Variants in CHD1L observed in about 807,000 individuals in gnomAD.
CHD1L encodes ATP-dependent chromatin remodeler CHD1L.
In CHD1L, 118 loss-of-function variants were observed where a neutral mutation model predicts 115.9. That is an observed-to-expected ratio of 1.02 (90% CI 0.88 to 1.19). The LOEUF (loss-of-function observed/expected upper bound fraction) is 1.19, where lower values mean the gene tolerates loss of function less well. Ranked by LOEUF, CHD1L falls within the 50% of genes most tolerant of loss-of-function variation. The pLI is 0.00. For missense variants in CHD1L, 1,179 were observed against 1,065.3 expected (o/e 1.11, Z -1.49); for synonymous variants, 411 against 387.1 (o/e 1.06, Z -0.72).
At chr1:147,278,523 G>GAT (rs1162028283) in intron 14 of CHD1L, among the ~76,000 whole-genome samples, 47,601 of 147,686 alleles carry the variant, frequency 0.32, 7,863 homozygotes, top group East Asian at 0.43. Context: ...GCGCCTGGGG[G>GAT]TATTTTTTTT....
At chr1:147,284,847 T>C (rs1219275862) in intron 16 of CHD1L, among the ~76,000 whole-genome samples, 2 of 152,164 alleles carry the variant, frequency 1.3e-5, no homozygotes, top group Non-Finnish European at 2.9e-5. Flanking sequence ...CAATCATAAA[T>C]GATATATGTA....
chr1:147,266,682 G>A (rs1240850035), intron 8 of CHD1L, among the ~76,000 whole-genome samples: 3 of 152,086 alleles, frequency 2.0e-5, no homozygotes, highest in South Asian at 2.1e-4. Context: ...TGGCCCCAAA[G>A]CACAAGAGTA....
At position 147,294,459 on chromosome 1, in the gene CHD1L, T is replaced by C; in HGVS notation, c.2557T>C (p.Tyr853His). ...ACATGCCACGAAAGGTTTTAACTGG[T>C]ATGGTACTGAGCGACTTATTCGGAA... ...IGHATKGFNWYGTERLIRKHL... is the reference protein window; with the variant it reads ...IGHATKGFNWHGTERLIRKHL... The change falls in exon 22 of 23, where the codon TAT becomes CAT. Residue 853 changes from tyrosine to histidine, a missense_variant. Coordinates refer to ENST00000369258, the MANE Select transcript of CHD1L (RefSeq NM_004284.6). The C allele has an allele frequency of 4.3e-6, 7 of 1,613,556 alleles. No homozygotes were observed. The highest frequency in any genetic ancestry group is 5.9e-6 in the Non-Finnish European group (7 of 1,179,786).
chr1:147,275,428 T>C lies in CHD1L; in HGVS notation c.1345T>C (p.Leu449=), dbSNP rs782302692. 3 of 1,614,036 alleles carry C rather than the reference T, an allele frequency of 1.9e-6. No homozygotes were observed. Among genetic ancestry groups the C allele is most frequent in the African/African-American group, 2.7e-5 (2 of 74,928 alleles). Residue 449 remains leucine, a synonymous_variant, in exon 13 of 23, where the codon TTG becomes CTG. Transcript: ENST00000369258. ...VDSDFNPQND[L]QAAARAHRIG... Reference sequence around the variant, plus strand: ...CAGTGACTTTAATCCTCAGAATGACTTGCAAGCAGCTGCCAGGGCTCATCG... The same window carrying C: ...CAGTGACTTTAATCCTCAGAATGACCTGCAAGCAGCTGCCAGGGCTCATCG...
chr1:147,284,409 C>A lies in CHD1L; in HGVS notation c.1764C>A (p.Asp588Glu), dbSNP rs587598833. ...ATTCTAAAGAGCCCAGTAAGGAAGA[C>A]AGAAAATCATTTGAACAACTGGTAA... ...KDYSKEPSKE[D>E]RKSFEQLVNL... The change falls in exon 16 of 23, where the codon GAC becomes GAA. Residue 588 changes from aspartate to glutamate, a missense_variant. Coordinates refer to ENST00000369258, the MANE Select transcript of CHD1L (RefSeq NM_004284.6). The A allele has an allele frequency of 1.2e-6, 2 of 1,610,490 alleles. No homozygotes were observed. Among genetic ancestry groups the A allele is most frequent in the Admixed American group, 1.7e-5 (1 of 59,652 alleles).
At position 147,293,680 on chromosome 1, in the gene CHD1L, G is replaced by A; in HGVS notation, c.2464G>A (p.Glu822Lys). The A allele has an allele frequency of 1.2e-6, 2 of 1,614,140 alleles. No homozygotes were observed. Among genetic ancestry groups the A allele is most frequent in the Non-Finnish European group, 8.5e-7 (1 of 1,179,994 alleles). ...TGGCATTAAGATGGCAGCCCTAGAA[G>A]AGGGCCTGAAGAAGATATTTTTAGC... is the stretch of plus-strand genomic sequence containing the variant. The part of the protein sequence containing the change: ...LSGIKMAALE[E>K]GLKKIFLAAK... Residue 822 changes from glutamate to lysine, a missense_variant, in exon 21 of 23, where the codon GAG becomes AAG. Coordinates refer to ENST00000369258, the MANE Select transcript of CHD1L (RefSeq NM_004284.6).
chr1:147,294,892 G>A (rs1274917532), intron 22 of CHD1L, among the ~76,000 whole-genome samples: 1 of 152,108 alleles, frequency 6.6e-6, no homozygotes, highest in African/African-American at 2.4e-5. Flanking sequence ...TTAATGAACA[G>A]TTAAGCAAAC....
At chr1:147,176,111 T>C in the CHD1L span, 2 of 152,176 alleles carry the variant, frequency 1.3e-5, no homozygotes, top group African/African-American at 4.8e-5. Context: ...ATGCCTAAAT[T>C]AAAAACTATT....
chr1:147,264,014 G>A (rs1177157940), intron 6 of CHD1L, among the ~76,000 whole-genome samples: 4 of 152,112 alleles, frequency 2.6e-5, no homozygotes, highest in South Asian at 4.1e-4. Flanking sequence ...ATGCTGTAGC[G>A]TTGGATTCTC....
At chr1:147,204,770 T>C in the CHD1L span, 8 of 1,561,996 alleles carry the variant, frequency 5.1e-6, no homozygotes, top group Non-Finnish European at 7.1e-6. Context: ...TTGATAACCA[T>C]TTTTTTCATT....
the CHD1L span, among the ~76,000 whole-genome samples, chr1:147,187,477 G>C: frequency 6.6e-6 from 1 of 152,286 alleles, no homozygotes; most frequent in Non-Finnish European, 1.5e-5. Flanking sequence ...CTGCCAAATA[G>C]AAATGTGGAG....
Position 147,276,032 on chromosome 1 carries a change from A to G in CHD1L, c.1386-72A>G, listed in dbSNP as rs996208137. 29 of 1,467,642 alleles carry G rather than the reference A, an allele frequency of 2.0e-5. No homozygotes were observed. In the Admixed American group the frequency reaches 2.2e-4, roughly 11 times the overall value. The allele number at this position is 1,467,642 out of a possible 1,614,324, so 90.9% of individuals were successfully genotyped here. On this transcript the variant is annotated intron_variant, in intron 13 of 22. Coordinates refer to ENST00000369258, the MANE Select transcript of CHD1L (RefSeq NM_004284.6). ...TTTGGTTTTGTTTGCTTTTAGATGT[A>G]TTTACCTTGCATACTTTTGCCCAGC... is the stretch of plus-strand genomic sequence containing the variant.
intron 12 of CHD1L, among the ~76,000 whole-genome samples, chr1:147,273,939 A>G (rs1553955465): frequency 6.6e-6 from 1 of 152,208 alleles, no homozygotes. Context: ...ATATGTTCCT[A>G]TTCATGGATG....
the CHD1L span, chr1:147,224,146 C>T: frequency 6.5e-6 from 2 of 307,288 alleles, no homozygotes; most frequent in East Asian, 9.9e-5. Flanking sequence ...ACAGGAAGAC[C>T]TGCACGACGT....
intron 6 of CHD1L, among the ~76,000 whole-genome samples, chr1:147,262,686 C>T (rs1672377928): frequency 6.7e-6 from 1 of 149,722 alleles, no homozygotes; most frequent in African/African-American, 2.5e-5. Flanking sequence ...AATGGGTAGA[C>T]ATTGATTAGA....
chr1:147,254,773 A>G (rs1669529197), intron 2 of CHD1L, 97 bp from the exon 3 acceptor site: 1 of 727,224 alleles, frequency 1.4e-6, no homozygotes, highest in Non-Finnish European at 2.2e-6. Flanking sequence ...ACAAGTCTTA[A>G]ACAAGAGTGT....
intron 9 of CHD1L, among the ~76,000 whole-genome samples, 165 bp downstream of exon 9, chr1:147,267,683 C>T (rs1674497618): frequency 6.6e-6 from 1 of 152,120 alleles, no homozygotes; most frequent in Non-Finnish European, 1.5e-5. Context: ...CAGATATCTT[C>T]AGTTGTCCCG....
At chr1:147,273,498 C>T (rs1370539555) in intron 12 of CHD1L, among the ~76,000 whole-genome samples, 1 of 152,110 alleles carries the variant, frequency 6.6e-6, no homozygotes, top group Non-Finnish European at 1.5e-5. Flanking sequence ...ATTCATTTGG[C>T]CTCACTCTTC....
At chr1:147,206,424 A>G in the CHD1L span, among the ~76,000 whole-genome samples, 2 of 152,226 alleles carry the variant, frequency 1.3e-5, no homozygotes, top group Non-Finnish European at 2.9e-5. Flanking sequence ...TATATACCCA[A>G]AGGATTATAA....
Sources: gnomAD v4.1 joint callset for allele counts (sites outside exome capture counted in the v4.1 genomes callset) on GRCh38, gnomAD v4.1.1 for gene constraint, MANE v1.5 for transcripts, NCBI Gene and HGNC (gene_info 2026-07-23, HGNC 2026-07-21) for gene names.